Variants in IGDCC4 observed in about 807,000 individuals in gnomAD.
IGDCC4 encodes the protein likely ortholog of mouse neighbor of Punc E11.
In IGDCC4, 72 loss-of-function variants were observed where a neutral mutation model predicts 116.6. The observed-to-expected ratio is 0.62, with a 90% CI of 0.51 to 0.75. The LOEUF is 0.75. Ranked by LOEUF, IGDCC4 falls within the 30% of genes least tolerant of loss-of-function variation. The pLI, the probability that IGDCC4 is intolerant of heterozygous loss-of-function variation, is 0.00. For missense variants in IGDCC4, 1,501 were observed against 1,662.4 expected, an observed-to-expected ratio of 0.90 and a Z score of 1.69; for synonymous variants, 709 against 719.9, an observed-to-expected ratio of 0.98 and a Z score of 0.24.
chr15:65,389,902 A>G (rs2091496030), intron 13 of IGDCC4, among the ~76,000 whole-genome samples: 1 of 152,140 alleles, frequency 6.6e-6, no homozygotes, highest in South Asian at 2.1e-4. Flanking sequence ...CCTGTGTCAC[A>G]TTCTCCGGAG....
rs1195516166 is a variant in IGDCC4 at position 65,393,384 on chromosome 15, G to C, written c.1862C>G (p.Pro621Arg). 3.1e-6 allele frequency: 5 copies of C among 1,612,626 alleles called. No individual in the cohort carries two copies. The highest frequency in any genetic ancestry group is 3.4e-6 in the Non-Finnish European group (4 of 1,179,288). Residue 621 changes from proline to arginine, a missense_variant, in exon 10 of 20, where the codon CCC (proline) becomes CGC (arginine). Pro to Arg is a moderately radical substitution (Grantham distance 103). Transcript: ENST00000352385. This position sits in a 1 kb window ranked among gnomAD's most constrained non-coding sequence, Gnocchi z 4.6. Reference sequence around the variant, plus strand: ...ACCATGGCTCTGGTTGTGCATACTGGGCGTCCTGTGATGCATCCACTGGGA... The same window carrying C: ...ACCATGGCTCTGGTTGTGCATACTGCGCGTCCTGTGATGCATCCACTGGGA... Reference protein sequence around the residue: ...APSQWMHHRTPSMHNQSHVPF... With the variant: ...APSQWMHHRTRSMHNQSHVPF...
chr15:65,397,037 C>T (rs747740418), intron 5 of IGDCC4, 48 bp from the exon 6 acceptor site: 3 of 1,550,864 alleles, frequency 1.9e-6, no homozygotes, highest in Non-Finnish European at 2.6e-6. Context: ...AGGGACTGCC[C>T]TTCCCTTCAG....
At position 65,388,445 on chromosome 15, in the gene IGDCC4, A is replaced by G. The variant is rs1300764224; in HGVS notation, c.2845+4T>C. On this transcript the variant is annotated splice_donor_region_variant and intron_variant, in intron 16 of 19. Coordinates refer to ENST00000352385, the MANE Select transcript of IGDCC4 (RefSeq NM_020962.3). ...GGGAAACCTGGGCTGCCCTGTGCTCATACCTGACAGCTTCTCCTGGAGCGT... is the reference window on the plus strand; with the variant it reads ...GGGAAACCTGGGCTGCCCTGTGCTCGTACCTGACAGCTTCTCCTGGAGCGT... The G allele has an allele frequency of 2.5e-6, 4 of 1,613,936 alleles. No homozygotes were observed. In the African/African-American group the frequency reaches 5.3e-5, roughly 22 times the overall value.
chr15:65,389,180 A>G (rs1421086293), intron 14 of IGDCC4, 104 bp downstream of exon 14: 2 of 1,501,128 alleles, frequency 1.3e-6, no homozygotes, highest in African/African-American at 2.8e-5. Context: ...TTCTGCCCCC[A>G]GCTCTGCCCA....
chr15:65,422,858 G>T lies in IGDCC4; in HGVS notation c.5C>A (p.Ala2Glu). 1 of 1,182,040 alleles carries T rather than the reference G, an allele frequency of 8.5e-7. No homozygotes were observed. The allele number at this position is 1,182,040 out of a possible 1,614,324, so 73.2% of individuals were successfully genotyped here. The change falls in exon 1 of 20, where the codon GCG (alanine) becomes GAG (glutamate). Residue 2 changes from alanine (A) to glutamate (E), a missense_variant. Transcript: ENST00000352385. MARGDAGRGRGL... is the reference protein window; with the variant it reads MERGDAGRGRGL... ...GCGGCCGCGGCCGGCGTCCCCCCGC[G>T]CCATGGGGCTGGGCTCGGGCCGCCG...
rs754941677 is a variant in IGDCC4, at chr15:65,382,406, T to TAAAAAAAAA, written c.*1594_*1602dup. 1.6e-5 allele frequency: 2 copies of TAAAAAAAAA among 124,884 alleles called. No individual in the cohort carries two copies. The highest frequency in any genetic ancestry group is 1.7e-5 in the Non-Finnish European group (1 of 59,390). 7.7% of individuals were successfully genotyped at this position (124,884 alleles called of 1,614,324 possible). ...CTGTGCTGAGAGACATTCCACCATTTAAAAAAAAAAAAAAAAAAAAGGAAA... is the reference window on the plus strand; with the variant it reads ...CTGTGCTGAGAGACATTCCACCATTTAAAAAAAAAAAAAAAAAAAAAAAAAAAAAGGAAA... On this transcript the variant is annotated 3_prime_UTR_variant, in exon 20 of 20. Transcript: ENST00000352385.
chr15:65,399,336 C>T (rs1197748979), intron 5 of IGDCC4, among the ~76,000 whole-genome samples: 1 of 151,252 alleles, frequency 6.6e-6, no homozygotes, highest in East Asian at 1.9e-4. Context: ...CGGCACATGC[C>T]TGTAGTCCCA....
chr15:65,406,878 G>C (rs1266667508), intron 3 of IGDCC4, among the ~76,000 whole-genome samples: 1 of 152,188 alleles, frequency 6.6e-6, no homozygotes. Context: ...CGTTGGGGGT[G>C]GTGGGGAGGT....
chr15:65,383,848 A>G lies in IGDCC4; in HGVS notation c.*161T>C. ...TATCACAAAGAGTATGGGGGGAGTG[A>G]ATAATCCATGTTTTCCTCTCCCCTC... is the stretch of plus-strand genomic sequence containing the variant. On this transcript the variant is annotated 3_prime_UTR_variant, in exon 20 of 20. Coordinates refer to ENST00000352385, the MANE Select transcript of IGDCC4 (RefSeq NM_020962.3). The G allele has an allele frequency of 1.7e-6, 1 of 582,412 alleles. No homozygotes were observed. Among genetic ancestry groups the G allele is most frequent in the Non-Finnish European group, 2.9e-6 (1 of 341,070 alleles). 36.1% of individuals were successfully genotyped at this position (582,412 alleles called of 1,614,324 possible).
chr15:65,404,480 G>A (rs1420492142), intron 3 of IGDCC4, among the ~76,000 whole-genome samples: 5 of 151,860 alleles, frequency 3.3e-5, no homozygotes, highest in East Asian at 1.9e-4. Context: ...TCCATCTAAC[G>A]TGCTCTTCCT....
In IGDCC4 at chr15:65,395,245, C is replaced by T; in HGVS notation, c.1425G>A (p.Val475=). ...CGTTGTTCACTGCAAACTGGTATTC[C>T]ACATTGTCCATGCCTGGTGACACGG... The part of the protein sequence containing the change: ...HYQKARGMDN[V]EYQFAVNNDT... Residue 475 remains valine (V), a synonymous_variant, in exon 8 of 20, where the codon GTG becomes GTA. Transcript: ENST00000352385. 1.2e-6 allele frequency: 2 copies of T among 1,613,008 alleles called. No individual in the cohort carries two copies. The highest frequency in any genetic ancestry group is 2.2e-5 in the South Asian group (2 of 91,002).
Position 65,422,818 on chromosome 15 carries a change from C to T in IGDCC4, c.45G>A (p.Leu15=). 1 of 1,272,014 alleles carries T rather than the reference C, an allele frequency of 7.9e-7. No homozygotes were observed. The highest frequency in any genetic ancestry group is 2.3e-5 in the South Asian group (1 of 43,186). 78.8% of individuals were successfully genotyped at this position (1,272,014 alleles called of 1,614,324 possible). A position where few individuals can be genotyped will look rare whatever the true frequency, so the allele number is the denominator to read the frequency against. ...DAGRGRGLLA[L]TFCLLAARGE... The stretch of plus-strand genomic sequence containing the variant: ...CGCGCGCGGCCAACAGGCAGAAGGT[C>T]AACGCGAGGAGCCCGCGGCCGCGGC... Residue 15 remains leucine, a synonymous_variant, in exon 1 of 20, where the codon TTG becomes TTA. Coordinates refer to ENST00000352385, the MANE Select transcript of IGDCC4 (RefSeq NM_020962.3).
Position 65,411,372 on chromosome 15 carries a change from TG to T in IGDCC4, c.71-3del. On this transcript the variant is annotated splice_region_variant and splice_polypyrimidine_tract_variant and intron_variant, in intron 1 of 19. Coordinates refer to ENST00000352385, the MANE Select transcript of IGDCC4 (RefSeq NM_020962.3). Reference sequence around the variant, plus strand: ...TCTCCTGGGGCAACAGCAGCTCCCCTGCATAGAGGAGGAGCACGGGGCCATC... The same window carrying T: ...TCTCCTGGGGCAACAGCAGCTCCCCTCATAGAGGAGGAGCACGGGGCCATC... 1 of 1,554,842 alleles carries T rather than the reference TG, an allele frequency of 6.4e-7. No homozygotes were observed. The highest frequency in any genetic ancestry group is 8.7e-7 in the Non-Finnish European group (1 of 1,147,800).
At chr15:65,396,576 A>C (rs1550027) in intron 6 of IGDCC4, 111,968 of 581,754 alleles carry the variant, frequency 0.19, 11,299 homozygotes, top group Admixed American at 0.29. Context: ...AACCCCAGTC[A>C]CAACTCCCCG....
rs1030700572 is a variant in IGDCC4 at position 65,381,995 on chromosome 15, G to A, written c.*2014C>T. 1 of 152,386 alleles carries A rather than the reference G, an allele frequency of 6.6e-6. No individual in the cohort carries two copies. The highest frequency in any genetic ancestry group is 2.4e-5 in the African/African-American group (1 of 41,360). The allele number at this position is 152,386 out of a possible 1,614,324, so 9.4% of individuals were successfully genotyped here. ...ATTTAATTTAAACCAGAACCTCAGTGCCTGTTAAACAAGAACATGAAAAAT... is the reference window on the plus strand; with the variant it reads ...ATTTAATTTAAACCAGAACCTCAGTACCTGTTAAACAAGAACATGAAAAAT... On this transcript the variant is annotated 3_prime_UTR_variant, in exon 20 of 20. Transcript: ENST00000352385.
chr15:65,416,301 C>A (rs1226275672), intron 1 of IGDCC4, among the ~76,000 whole-genome samples: 3 of 151,914 alleles, frequency 2.0e-5, no homozygotes, highest in African/African-American at 7.3e-5. Context: ...CCATACCCAG[C>A]TAATTTTTTG....
chr15:65,393,912 A>G lies in IGDCC4; in HGVS notation c.1715-381T>C, dbSNP rs1376819527. Among the ~76,000 whole-genome samples the G allele has an allele frequency of 6.6e-6, 1 of 152,080 alleles. No individual in the cohort carries two copies. Among genetic ancestry groups the G allele is most frequent in the African/African-American group, 2.4e-5 (1 of 41,426 alleles). ...CAGAGCCCTGAGGGCCACCATGGCCACTTCCTCACCCTTCCCTCCTTCCTC... is the reference window on the plus strand; with the variant it reads ...CAGAGCCCTGAGGGCCACCATGGCCGCTTCCTCACCCTTCCCTCCTTCCTC... On this transcript the variant is annotated intron_variant, in intron 9 of 19. Coordinates refer to ENST00000352385, the MANE Select transcript of IGDCC4 (RefSeq NM_020962.3). This position sits in a 1 kb window ranked among gnomAD's most constrained non-coding sequence, Gnocchi z 4.6.
In IGDCC4 at chr15:65,392,236, C is replaced by T. The variant is rs1567082431; in HGVS notation, c.2020G>A (p.Ala674Thr). 2 of 1,613,796 alleles carry T rather than the reference C, an allele frequency of 1.2e-6. No homozygotes were observed. The highest frequency in any genetic ancestry group is 8.5e-7 in the Non-Finnish European group (1 of 1,179,856). ...CCCCCTGGCAGGCGATCGCCATTGG[C>T]CTCCTCCTCAGCCCCCACCTCCCGC... ...YWREVGAEEE[A>T]NGDRLPGGRG... The change falls in exon 11 of 20, where the codon GCC becomes ACC. Residue 674 changes from alanine (A) to threonine (T), a missense_variant. Coordinates refer to ENST00000352385, the MANE Select transcript of IGDCC4 (RefSeq NM_020962.3).
intron 2 of IGDCC4, chr15:65,410,599 A>T: frequency 2.0e-6 from 1 of 506,660 alleles, no homozygotes; most frequent in South Asian, 2.3e-5. Context: ...AAGTTACTTC[A>T]TGGTGATCTG....
Sources: gnomAD v4.1 joint callset for allele counts (sites outside exome capture counted in the v4.1 genomes callset) on GRCh38, gnomAD v4.1.1 for gene constraint, Gnocchi (gnomAD v3.1) non-coding constraint, MANE v1.5 for transcripts, NCBI Gene and HGNC (gene_info 2026-07-23, HGNC 2026-07-21) for gene names.